FAXC: variants seen among roughly 807,000 people sequenced by gnomAD.
FAXC encodes failed axon connections homolog.
FAXC carries 10 observed loss-of-function variants against 41.9 expected under a neutral mutation model. The observed-to-expected ratio is 0.24, with a 90% CI of 0.15 to 0.41. FAXC has a LOEUF of 0.41. Among genes scored for constraint, FAXC ranks in the 10% least tolerant of loss-of-function variants. The pLI is 1.00. For synonymous variants in FAXC, 183 were observed against 183.8 expected, an observed-to-expected ratio of 1.00 and a Z score of 0.03; for missense variants, 399 against 510.9, an observed-to-expected ratio of 0.78 and a Z score of 2.11.
At chr6:99,282,976 AC>A (rs1163126197) in intron 5 of FAXC, among the ~76,000 whole-genome samples, 7 of 152,202 alleles carry the variant, frequency 4.6e-5, no homozygotes, top group African/African-American at 1.7e-4. Flanking sequence ...CCACTTAACA[AC>A]GTATAATAAA....
chr6:99,293,665 AGT>A (rs55827992), intron 4 of FAXC, among the ~76,000 whole-genome samples: 9,758 of 122,986 alleles, frequency 0.079, 257 homozygotes, highest in Admixed American at 0.11. Flanking sequence ...CTCTATACAC[AGT>A]GTGTGTGTGT....
intron 4 of FAXC, among the ~76,000 whole-genome samples, chr6:99,308,391 G>T (rs1772014838): frequency 6.6e-6 from 1 of 152,210 alleles, no homozygotes; most frequent in South Asian, 2.1e-4. Context: ...TGAGTAGTAA[G>T]ATCTGATACT....
intron 4 of FAXC, among the ~76,000 whole-genome samples, chr6:99,316,915 C>T (rs1357617891): frequency 1.3e-5 from 2 of 152,166 alleles, no homozygotes; most frequent in Non-Finnish European, 2.9e-5. Context: ...CATGAAGCAG[C>T]AAATGATTCA....
chr6:99,349,394 G>T lies in FAXC; in HGVS notation c.-22C>A. ...GCATGCTGCGCGGCTGGCTCCGGGC[G>T]CCCCTCCCAGGGCCCGCGCCGCCCG... is the stretch of plus-strand genomic sequence containing the variant. On this transcript the variant is annotated 5_prime_UTR_variant, in exon 1 of 6. Coordinates refer to ENST00000389677, the MANE Select transcript of FAXC (RefSeq NM_032511.4). 1 of 1,584,538 alleles carries T rather than the reference G, an allele frequency of 6.3e-7. No homozygotes were observed. The highest frequency in any genetic ancestry group is 8.6e-7 in the Non-Finnish European group (1 of 1,166,618).
At chr6:99,329,315 G>C (rs1485694566) in intron 3 of FAXC, among the ~76,000 whole-genome samples, 1 of 152,146 alleles carries the variant, frequency 6.6e-6, no homozygotes, top group Non-Finnish European at 1.5e-5. Flanking sequence ...AATGTTTACA[G>C]GTGAACAAGA....
intron 4 of FAXC, among the ~76,000 whole-genome samples, chr6:99,307,292 G>A (rs563474652): frequency 2.6e-5 from 4 of 152,208 alleles, no homozygotes; most frequent in South Asian, 2.1e-4. Flanking sequence ...GCAGGAGACA[G>A]GACAGAACTG....
chr6:99,299,539 C>G (rs918795658), intron 4 of FAXC, among the ~76,000 whole-genome samples: 2 of 152,190 alleles, frequency 1.3e-5, no homozygotes, highest in South Asian at 2.1e-4. Context: ...GGACATTATT[C>G]ATACTTCTAA....
chr6:99,310,618 T>C (rs1772116737), intron 4 of FAXC, among the ~76,000 whole-genome samples: 1 of 152,264 alleles, frequency 6.6e-6, no homozygotes, highest in Non-Finnish European at 1.5e-5. Flanking sequence ...TTCCAGCTCA[T>C]TACTTTCAAT....
chr6:99,339,858 G>A (rs1773354855), intron 2 of FAXC, among the ~76,000 whole-genome samples: 1 of 151,842 alleles, frequency 6.6e-6, no homozygotes. Context: ...TAGGGAACAA[G>A]GAAGAAGAGG....
chr6:99,297,613 G>T (rs1303348242), intron 4 of FAXC, among the ~76,000 whole-genome samples: 1 of 152,166 alleles, frequency 6.6e-6, no homozygotes, highest in Non-Finnish European at 1.5e-5. Flanking sequence ...TTTGCTCACT[G>T]CCTGGCTCTG....
intron 1 of FAXC, 134 bp from the exon 2 acceptor site, chr6:99,343,167 T>C: frequency 1.4e-6 from 1 of 726,504 alleles, no homozygotes; most frequent in East Asian, 2.9e-5. Context: ...GGGGCTTACA[T>C]CACCCAGCAC....
intron 3 of FAXC, among the ~76,000 whole-genome samples, chr6:99,328,751 TG>T (rs1772920606): frequency 6.6e-6 from 1 of 152,192 alleles, no homozygotes; most frequent in African/African-American, 2.4e-5. Context: ...TGCCTTTTCT[TG>T]GTTCTTCAAA....
chr6:99,282,848 C>A (rs569915761), intron 5 of FAXC, among the ~76,000 whole-genome samples: 1 of 152,122 alleles, frequency 6.6e-6, no homozygotes, highest in Non-Finnish European at 1.5e-5. Flanking sequence ...AATCGCATTC[C>A]CCATAACATT....
chr6:99,349,421 A>G lies in FAXC; in HGVS notation c.-49T>C. ...CCCTCCCAGGGCCCGCGCCGCCCGC[A>G]TGGGAAGGGGCCGGCGCGGCCCGGC... On this transcript the variant is annotated 5_prime_UTR_variant, in exon 1 of 6. It removes an upstream start codon present in the reference 5' UTR. Transcript: ENST00000389677. 6.1e-6 allele frequency: 9 copies of G among 1,471,324 alleles called. No individual in the cohort carries two copies. The highest frequency in any genetic ancestry group is 7.2e-6 in the Non-Finnish European group (8 of 1,115,972). 91.1% of individuals were successfully genotyped at this position (1,471,324 alleles called of 1,614,324 possible).
At position 99,291,825 on chromosome 6, in the gene FAXC, A is replaced by G; in HGVS notation, c.824-5T>C. On this transcript the variant is annotated splice_region_variant and splice_polypyrimidine_tract_variant and intron_variant, in intron 4 of 5. Coordinates refer to ENST00000389677, the MANE Select transcript of FAXC (RefSeq NM_032511.4). ...CCATGATGTACTTCTTATCACCTGC[A>G]GTAAATAAAGCAGAGAAGTCAATGG... 6.2e-7 allele frequency: 1 copy of G among 1,609,008 alleles called. No individual in the cohort carries two copies. Among genetic ancestry groups the G allele is most frequent in the East Asian group, 2.2e-5 (1 of 44,868 alleles).
intron 4 of FAXC, among the ~76,000 whole-genome samples, chr6:99,297,629 C>A (rs1175179216): frequency 1.3e-5 from 2 of 152,128 alleles, no homozygotes; most frequent in Non-Finnish European, 1.5e-5. Flanking sequence ...CTCTGAGCCG[C>A]CCCCTTGGGG....
At chr6:99,332,558 A>G (rs1773064037) in intron 3 of FAXC, among the ~76,000 whole-genome samples, 1 of 152,196 alleles carries the variant, frequency 6.6e-6, no homozygotes, top group Non-Finnish European at 1.5e-5. Flanking sequence ...CTTAACTCAC[A>G]TGGTACCACC....
At position 99,274,499 on chromosome 6, in the gene FAXC, C is replaced by T. The variant is rs1770528907; in HGVS notation, c.*6665G>A. ...AATACCACCAAATGAGGGACTCAGA[C>T]CCTCAGTTTTCCAAACTTCACCATG... is the stretch of plus-strand genomic sequence containing the variant. On this transcript the variant is annotated 3_prime_UTR_variant, in exon 6 of 6. Coordinates refer to ENST00000389677, the MANE Select transcript of FAXC (RefSeq NM_032511.4). 1 of 152,188 alleles carries T rather than the reference C, an allele frequency of 6.6e-6. No homozygotes were observed. The highest frequency in any genetic ancestry group is 1.5e-5 in the Non-Finnish European group (1 of 68,040). 9.4% of individuals were successfully genotyped at this position (152,188 alleles called of 1,614,324 possible). A position where few individuals can be genotyped will look rare whatever the true frequency, so the allele number is the denominator to read the frequency against.
At chr6:99,348,588 C>G (rs938271807) in intron 1 of FAXC, among the ~76,000 whole-genome samples, 2 of 152,206 alleles carry the variant, frequency 1.3e-5, no homozygotes, top group African/African-American at 4.8e-5. Context: ...AAGGCTGCAT[C>G]AAAGCTGCCC....
Sources: allele counts gnomAD v4.1 joint callset (sites outside exome capture counted in the v4.1 genomes callset), GRCh38; gene constraint gnomAD v4.1.1; transcripts MANE v1.5; gene names NCBI Gene and HGNC (gene_info 2026-07-23, HGNC 2026-07-21).